Variants in LRRN4CL observed in about 807,000 individuals in gnomAD.
LRRN4CL encodes the protein LRRN4 C-terminal like.
For synonymous variants in LRRN4CL, 156 were observed against 154.1 expected, an observed-to-expected ratio of 1.01 and a Z score of -0.09; for missense variants, 348 against 336.4, an observed-to-expected ratio of 1.03 and a Z score of -0.27.
At chr11:62,689,343 CCTG>C (rs1398508084) in intron 1 of LRRN4CL, 81 bp downstream of exon 1, 1 of 152,358 alleles carries the variant, frequency 6.6e-6, no homozygotes, top group African/African-American at 2.4e-5. Context: ...TCCCTCCCCA[CCTG>C]CTATCTGTGC....
Position 62,688,191 on chromosome 11 carries a change from G to T in LRRN4CL, c.318C>A (p.Ala106=), listed in dbSNP as rs80027400. ...AGTAGTGGAGGACCGGGGAGAAGGG[G>T]GCACACCAGTGGACCACTGCGCGGC... ...EEGRAVVHWC[A]PFSPVLHYWL... The change falls in exon 2 of 2, where the codon GCC becomes GCA. Residue 106 remains alanine, a synonymous_variant. Coordinates refer to ENST00000317449, the MANE Select transcript of LRRN4CL (RefSeq NM_203422.4). 1.5e-4 allele frequency: 242 copies of T among 1,612,428 alleles called. 1 individual carries two copies. In the African/African-American group the frequency reaches 3.0e-3, roughly 20 times the overall value.
In LRRN4CL at chr11:62,687,864, C is replaced by T; in HGVS notation, c.645G>A (p.Val215=). 6.9e-7 allele frequency: 1 copy of T among 1,440,450 alleles called. No individual in the cohort carries two copies. The highest frequency in any genetic ancestry group is 9.1e-7 in the Non-Finnish European group (1 of 1,104,054). 89.2% of individuals were successfully genotyped at this position (1,440,450 alleles called of 1,614,324 possible). The change falls in exon 2 of 2, where the codon GTG becomes GTA. Residue 215 remains valine (V), a synonymous_variant. Transcript: ENST00000317449. ...ALALLSCAAL[V]WHFCLRDRWG... Reference sequence around the variant, plus strand: ...AGCGATCGCGCAGGCAGAAGTGCCACACCAGGGCGGCACAGCTTAGCAGGG... The same window carrying T: ...AGCGATCGCGCAGGCAGAAGTGCCATACCAGGGCGGCACAGCTTAGCAGGG...
chr11:62,688,795 G>T (rs753297356), intron 1 of LRRN4CL, among the ~76,000 whole-genome samples: 2 of 152,216 alleles, frequency 1.3e-5, no homozygotes, highest in African/African-American at 4.8e-5. Flanking sequence ...AGTGCTGAGG[G>T]AGAGAAGAGG....
chr11:62,688,642 G>A, intron 1 of LRRN4CL, 129 bp from the exon 2 acceptor site: 1 of 724,710 alleles, frequency 1.4e-6, no homozygotes, highest in South Asian at 1.9e-5. Flanking sequence ...GTTGGAATGA[G>A]GCAGACACAC....
At position 62,687,936 on chromosome 11, in the gene LRRN4CL, G is replaced by A. The variant is rs1431837539; in HGVS notation, c.573C>T (p.Asn191=). ...CGGCCGCGTGGACCAGAGTGCGGGG[G>A]TTGGGCGGCACCGCAAGGCGGCTGC... ...GPCSRLAVPP[N]PRTLVHAAVG... Residue 191 remains asparagine (N), a synonymous_variant, in exon 2 of 2, where the codon AAC becomes AAT. Coordinates refer to ENST00000317449, the MANE Select transcript of LRRN4CL (RefSeq NM_203422.4). 1.3e-6 allele frequency: 2 copies of A among 1,562,110 alleles called. No individual in the cohort carries two copies. Among genetic ancestry groups the A allele is most frequent in the South Asian group, 1.2e-5 (1 of 82,428 alleles).
chr11:62,689,468 G>A lies in LRRN4CL; in HGVS notation c.-47C>T, dbSNP rs142858587. 154 of 152,568 alleles carry A rather than the reference G, an allele frequency of 1.0e-3. 2 individuals carry two copies. The highest frequency in any genetic ancestry group is 6.7e-3 in the Middle Eastern group (2 of 300). The allele number at this position is 152,568 out of a possible 1,614,324, so 9.5% of individuals were successfully genotyped here. ...ATGCAGCGGGAATCCACCAGCTGAC[G>A]TCTGTGGGTGTTAGGCTGAGGGATC... On this transcript the variant is annotated 5_prime_UTR_variant, in exon 1 of 2. It adds an upstream start codon to the 5' untranslated region. Transcript: ENST00000317449.
In LRRN4CL at chr11:62,686,983, T is replaced by A. The variant is rs994474355; in HGVS notation, c.*809A>T. On this transcript the variant is annotated 3_prime_UTR_variant, in exon 2 of 2. Coordinates refer to ENST00000317449, the MANE Select transcript of LRRN4CL (RefSeq NM_203422.4). ...CGCGCCCGGCCGGGTTTTACATCTT[T>A]AAAGAAGGGGGTCTGCCTGGGCACA... is the stretch of plus-strand genomic sequence containing the variant. The A allele has an allele frequency of 2.0e-5, 3 of 152,210 alleles. No individual in the cohort carries two copies. Among genetic ancestry groups the A allele is most frequent in the African/African-American group, 7.2e-5 (3 of 41,406 alleles). The allele number at this position is 152,210 out of a possible 1,614,324, so 9.4% of individuals were successfully genotyped here. A position where few individuals can be genotyped will look rare whatever the true frequency, so the allele number is the denominator to read the frequency against.
Position 62,688,242 on chromosome 11 carries a change from TC to T in LRRN4CL, c.266del (p.Gly89GlufsTer43), listed in dbSNP as rs752469771. ...PAQPPDPPRM[G>X]EVRIAAEEGR... ...CCTCTTCGGCCGCAATGCGCACTTC[TC>T]CCATGCGCGGCGGGTCGGGCGGCTG... On this transcript the variant is annotated frameshift_variant, in exon 2 of 2. Transcript: ENST00000317449. LOFTEE classifies it low-confidence loss of function (END_TRUNC). 1 of 1,611,020 alleles carries T rather than the reference TC, an allele frequency of 6.2e-7. No homozygotes were observed. The highest frequency in any genetic ancestry group is 1.1e-5 in the South Asian group (1 of 90,918).
Position 62,687,826 on chromosome 11 carries a change from C to A in LRRN4CL, c.683G>T (p.Arg228Leu). 7.2e-7 allele frequency: 1 copy of A among 1,396,124 alleles called. No homozygotes were observed. The highest frequency in any genetic ancestry group is 1.5e-5 in the African/African-American group (1 of 65,420). 86.5% of individuals were successfully genotyped at this position (1,396,124 alleles called of 1,614,324 possible). Reference sequence around the variant, plus strand: ...CCCTGCGGCTCGGGCGGCGGCTCGGCGCGGGCAGCCCCAGCGATCGCGCAG... The same window carrying A: ...CCCTGCGGCTCGGGCGGCGGCTCGGAGCGGGCAGCCCCAGCGATCGCGCAG... Reference protein sequence around the residue: ...FCLRDRWGCPRRAAARAAGAL With the variant: ...FCLRDRWGCPLRAAARAAGAL The change falls in exon 2 of 2, where the codon CGC becomes CTC. Residue 228 changes from arginine (R) to leucine (L), a missense_variant. Arg to Leu is a moderately radical substitution (Grantham distance 102). Coordinates refer to ENST00000317449, the MANE Select transcript of LRRN4CL (RefSeq NM_203422.4).
chr11:62,688,012 T>C lies in LRRN4CL; in HGVS notation c.497A>G (p.Gln166Arg). 2 of 1,612,262 alleles carry C rather than the reference T, an allele frequency of 1.2e-6. No homozygotes were observed. The highest frequency in any genetic ancestry group is 1.7e-6 in the Non-Finnish European group (2 of 1,179,760). Reference protein sequence around the residue: ...ANEAGASRVPQAGGEGLEGAD... With the variant: ...ANEAGASRVPRAGGEGLEGAD... ...CCCCTCGAGGCCCTCTCCTCCAGCC[T>C]GGGGCACGCGGCTTGCCCCGGCCTC... The change falls in exon 2 of 2, where the codon CAG becomes CGG. Residue 166 changes from glutamine to arginine, a missense_variant. Transcript: ENST00000317449.
rs1349819018 is a variant in LRRN4CL at position 62,688,349 on chromosome 11, G to A, written c.160C>T (p.Arg54Ter). The A allele has an allele frequency of 6.2e-7, 1 of 1,608,516 alleles. No homozygotes were observed. The highest frequency in any genetic ancestry group is 8.5e-7 in the Non-Finnish European group (1 of 1,179,960). ...TCCTTGCAGGGCACCTGCAGGTGTC[G>A]GCAGTGGTCGTAGTCGCAGGGGACA... is the stretch of plus-strand genomic sequence containing the variant. ...PAVPCDYDHCRHLQVPCKELQ... is the reference protein window; with the variant it reads ...PAVPCDYDHC The change falls in exon 2 of 2, where the codon CGA becomes TGA. Residue 54 changes from arginine (R) to a stop codon, truncating the protein, a stop_gained. Transcript: ENST00000317449. LOFTEE classifies it low-confidence loss of function (END_TRUNC).
rs1945213476 is a variant in LRRN4CL at position 62,687,756 on chromosome 11, G to T, written c.*36C>A. ...GGGGGCCAGGCTGAGCGCCCCAGGT[G>T]GGGCTGTCTGTGCCCGAGATGCCCC... On this transcript the variant is annotated 3_prime_UTR_variant, in exon 2 of 2. Transcript: ENST00000317449. 4 of 1,353,700 alleles carry T rather than the reference G, an allele frequency of 3.0e-6. No homozygotes were observed. The highest frequency in any genetic ancestry group is 7.5e-5 in the Admixed American group (2 of 26,784). 83.9% of individuals were successfully genotyped at this position (1,353,700 alleles called of 1,614,324 possible). A position where few individuals can be genotyped will look rare whatever the true frequency, so the allele number is the denominator to read the frequency against.
Position 62,686,803 on chromosome 11 carries a change from T to A in LRRN4CL, c.*989A>T, listed in dbSNP as rs1217745120. The A allele has an allele frequency of 2.0e-5, 3 of 152,330 alleles. No individual in the cohort carries two copies. The highest frequency in any genetic ancestry group is 6.5e-5 in the Admixed American group (1 of 15,272). 9.4% of individuals were successfully genotyped at this position (152,330 alleles called of 1,614,324 possible). A position where few individuals can be genotyped will look rare whatever the true frequency, so the allele number is the denominator to read the frequency against. On this transcript the variant is annotated 3_prime_UTR_variant, in exon 2 of 2. Transcript: ENST00000317449. ...CTCCTGCCTCAGCCTCCGGAGTAGC[T>A]GGGACTACAGGTACCCACCACCATG...
rs1267218417 is a variant in LRRN4CL, at chr11:62,687,935, G to A, written c.574C>T (p.Pro192Ser). The change falls in exon 2 of 2, where the codon CCC (proline) becomes TCC (serine). Residue 192 changes from proline to serine, a missense_variant. Transcript: ENST00000317449. Reference sequence around the variant, plus strand: ...ACGGCCGCGTGGACCAGAGTGCGGGGGTTGGGCGGCACCGCAAGGCGGCTG... The same window carrying A: ...ACGGCCGCGTGGACCAGAGTGCGGGAGTTGGGCGGCACCGCAAGGCGGCTG... ...PCSRLAVPPN[P>S]RTLVHAAVGV... 6.4e-7 allele frequency: 1 copy of A among 1,561,184 alleles called. No individual in the cohort carries two copies. Among genetic ancestry groups the A allele is most frequent in the Non-Finnish European group, 8.7e-7 (1 of 1,154,822 alleles).
In LRRN4CL at chr11:62,688,215, G is replaced by T. The variant is rs1945222741; in HGVS notation, c.294C>A (p.Gly98=). The T allele has an allele frequency of 6.2e-7, 1 of 1,611,748 alleles. No individual in the cohort carries two copies. Among genetic ancestry groups the T allele is most frequent in the Non-Finnish European group, 8.5e-7 (1 of 1,179,560 alleles). The change falls in exon 2 of 2, where the codon GGC becomes GGA. Residue 98 remains glycine (G), a synonymous_variant. Coordinates refer to ENST00000317449, the MANE Select transcript of LRRN4CL (RefSeq NM_203422.4). The stretch of plus-strand genomic sequence containing the variant: ...GGGCACACCAGTGGACCACTGCGCG[G>T]CCCTCTTCGGCCGCAATGCGCACTT... ...MGEVRIAAEE[G]RAVVHWCAPF...
At position 62,688,120 on chromosome 11, in the gene LRRN4CL, G is replaced by C. The variant is rs773713148; in HGVS notation, c.389C>G (p.Pro130Arg). ...GGCTCTGCGGACCGTAGCGTTCAGC[G>C]GGGGCCCCTTCTGCGCAGCCTCGCT... is the stretch of plus-strand genomic sequence containing the variant. Reference protein sequence around the residue: ...DGSEAAQKGPPLNATVRRAEL... With the variant: ...DGSEAAQKGPRLNATVRRAEL... The change falls in exon 2 of 2, where the codon CCG becomes CGG. Residue 130 changes from proline to arginine, a missense_variant. Transcript: ENST00000317449. 1 of 1,612,420 alleles carries C rather than the reference G, an allele frequency of 6.2e-7. No individual in the cohort carries two copies. Among genetic ancestry groups the C allele is most frequent in the Non-Finnish European group, 8.5e-7 (1 of 1,179,778 alleles).
rs1401564854 is a variant in LRRN4CL at position 62,688,468 on chromosome 11, G to T, written c.41C>A (p.Thr14Asn). 7 of 1,598,714 alleles carry T rather than the reference G, an allele frequency of 4.4e-6. No homozygotes were observed. Among genetic ancestry groups the T allele is most frequent in the Non-Finnish European group, 5.9e-6 (7 of 1,179,764 alleles). Residue 14 changes from threonine to asparagine, a missense_variant, in exon 2 of 2, where the codon ACC (threonine) becomes AAC (asparagine). By Grantham distance (65) the Thr-to-Asn change is moderately conservative. Coordinates refer to ENST00000317449, the MANE Select transcript of LRRN4CL (RefSeq NM_203422.4). Reference protein sequence around the residue: ...SPCLLWLLAVTFLVPRAQPLA... With the variant: ...SPCLLWLLAVNFLVPRAQPLA... ...GGGCTGAGCTCTGGGAACCAAGAAG[G>T]TCACGGCCAGGAGCCACAGAAGGCA...
Position 62,688,256 on chromosome 11 carries a change from G to A in LRRN4CL, c.253C>T (p.Pro85Ser). The part of the protein sequence containing the change: ...GLSSPAQPPD[P>S]PRMGEVRIAA... The stretch of plus-strand genomic sequence containing the variant: ...ATGCGCACTTCTCCCATGCGCGGCG[G>A]GTCGGGCGGCTGGGCGGGGCTGGAG... The change falls in exon 2 of 2, where the codon CCG (proline) becomes TCG (serine). Residue 85 changes from proline (P) to serine (S), a missense_variant. Physicochemically the swap from Pro to Ser is moderately conservative, Grantham distance 74. Transcript: ENST00000317449. 1 of 1,610,332 alleles carries A rather than the reference G, an allele frequency of 6.2e-7. No individual in the cohort carries two copies. Among genetic ancestry groups the A allele is most frequent in the Non-Finnish European group, 8.5e-7 (1 of 1,178,836 alleles).
chr11:62,688,443 G>A lies in LRRN4CL; in HGVS notation c.66C>T (p.Pro22=). Residue 22 remains proline, a synonymous_variant, in exon 2 of 2, where the codon CCC becomes CCT. Transcript: ENST00000317449. ...CTTCTTCAAAGTCTTGAGGGGCCAAGGGCTGAGCTCTGGGAACCAAGAAGG... is the reference window on the plus strand; with the variant it reads ...CTTCTTCAAAGTCTTGAGGGGCCAAAGGCTGAGCTCTGGGAACCAAGAAGG... ...AVTFLVPRAQ[P]LAPQDFEEEE... is the part of the protein sequence containing the mutation. 2 of 1,599,638 alleles carry A rather than the reference G, an allele frequency of 1.3e-6. No individual in the cohort carries two copies. The highest frequency in any genetic ancestry group is 1.7e-6 in the Non-Finnish European group (2 of 1,179,910).
Sources: allele counts gnomAD v4.1 joint callset (sites outside exome capture counted in the v4.1 genomes callset), GRCh38; gene constraint gnomAD v4.1.1; transcripts MANE v1.5; gene names NCBI Gene and HGNC (gene_info 2026-07-23, HGNC 2026-07-21).